The following EML5 variants were observed in gnomAD, a reference collection of about 807,000 sequenced individuals.
EML5 encodes the protein EMAP like 5.
In EML5, 120 loss-of-function variants were observed where a neutral mutation model predicts 250.0. That is an observed-to-expected ratio of 0.48 (90% CI 0.41 to 0.56). EML5 has a LOEUF of 0.56. Ranked by LOEUF, EML5 falls within the 20% of genes least tolerant of loss-of-function variation. The pLI is 0.00. For missense variants in EML5, 2,006 were observed against 2,437.6 expected (o/e 0.82, Z 3.73); for synonymous variants, 771 against 806.5 (o/e 0.96, Z 0.75).
At position 88,625,100 on chromosome 14, in the gene EML5, T is replaced by C. The variant is rs2089716910; in HGVS notation, c.4768A>G (p.Ser1590Gly). ...TCTTTCCACACACAGACATCACCAC[T>C]GATGGTACCTGTAAACGTCAAGTTA... ...ANNLTFTGTI[S>G]GDVCVWKDHI... Residue 1590 changes from serine to glycine, a missense_variant, in exon 36 of 44, where the codon AGT becomes GGT. Physicochemically the swap from Ser to Gly is moderately conservative, Grantham distance 56. This residue lies in a region of EML5 where 405 missense variants were observed against 523.3 expected (regional missense o/e 0.77). Coordinates refer to ENST00000554922, the MANE Select transcript of EML5 (RefSeq NM_183387.3). 1 of 1,613,684 alleles carries C rather than the reference T, an allele frequency of 6.2e-7. No homozygotes were observed. The highest frequency in any genetic ancestry group is 1.7e-5 in the Admixed American group (1 of 59,978).
intron 21 of EML5, among the ~76,000 whole-genome samples, chr14:88,677,770 G>A (rs2092628613): frequency 6.6e-6 from 1 of 152,164 alleles, no homozygotes; most frequent in African/African-American, 2.4e-5. Context: ...CAGTCAGAAT[G>A]GCGATTATTA....
intron 8 of EML5, among the ~76,000 whole-genome samples, chr14:88,721,090 A>T (rs1254314940): frequency 6.6e-6 from 1 of 152,166 alleles, no homozygotes; most frequent in African/African-American, 2.4e-5. Flanking sequence ...CTTTAAGGAG[A>T]ACTACAAACC....
chr14:88,622,522 T>A (rs962419783), intron 37 of EML5, 82 bp downstream of exon 37: 14 of 1,109,944 alleles, frequency 1.3e-5, no homozygotes, highest in Non-Finnish European at 1.8e-5. Flanking sequence ...TATTGTTCAT[T>A]AGGCTGCAAA....
chr14:88,636,487 C>A (rs559162603), intron 32 of EML5, among the ~76,000 whole-genome samples: 2 of 152,068 alleles, frequency 1.3e-5, no homozygotes, highest in Non-Finnish European at 2.9e-5. Context: ...ATGGTGAAAC[C>A]CCGTCTCTAC....
At chr14:88,746,828 C>T (rs2094010624) in intron 2 of EML5, among the ~76,000 whole-genome samples, 1 of 152,256 alleles carries the variant, frequency 6.6e-6, no homozygotes, top group South Asian at 2.1e-4. Context: ...CAACAAATAA[C>T]CCCTTCCTAA....
chr14:88,651,944 T>C (rs372989316), intron 27 of EML5, among the ~76,000 whole-genome samples: 3 of 152,304 alleles, frequency 2.0e-5, no homozygotes, highest in East Asian at 1.9e-4. Context: ...TTAGGGATTA[T>C]AATGTTCATT....
At chr14:88,704,576 C>A (rs1033412757) in intron 13 of EML5, among the ~76,000 whole-genome samples, 5 of 152,182 alleles carry the variant, frequency 3.3e-5, no homozygotes, top group Admixed American at 6.6e-5. Flanking sequence ...ATATATTACA[C>A]ACAATGTAAT....
chr14:88,780,332 A>C (rs1454476830), intron 1 of EML5, among the ~76,000 whole-genome samples: 1 of 152,142 alleles, frequency 6.6e-6, no homozygotes, highest in Non-Finnish European at 1.5e-5. Flanking sequence ...TTGTATAGCA[A>C]ACAGACTTGA....
rs542655090 is a variant in EML5, at chr14:88,629,186, CAT to C, written c.4358-1369_4358-1368del. ...ACAAAATGCACCTCTAGGCAATTCACATGTTATATTTGCCAAATCATGATGAG... is the reference window on the plus strand; with the variant it reads ...ACAAAATGCACCTCTAGGCAATTCACGTTATATTTGCCAAATCATGATGAG... On this transcript the variant is annotated intron_variant, in intron 33 of 43. Transcript: ENST00000554922. Among the ~76,000 whole-genome samples the C allele has an allele frequency of 9.2e-5, 14 of 152,136 alleles. No homozygotes were observed. In the South Asian group the frequency reaches 1.0e-3, roughly 11 times the overall value.
chr14:88,751,580 T>C (rs930269631), intron 2 of EML5, among the ~76,000 whole-genome samples: 1 of 151,190 alleles, frequency 6.6e-6, no homozygotes, highest in African/African-American at 2.4e-5. Flanking sequence ...ATGTAGAAAA[T>C]GGAATATCTA....
intron 33 of EML5, among the ~76,000 whole-genome samples, chr14:88,634,041 T>G (rs1321932410): frequency 6.6e-6 from 1 of 152,234 alleles, no homozygotes; most frequent in Admixed American, 6.5e-5. Flanking sequence ...TTTGGATATA[T>G]GTCCCTGCCC....
rs866534404 is a variant in EML5, at chr14:88,688,361, T to C, written c.2652A>G (p.Thr884=). Residue 884 remains threonine, a synonymous_variant, in exon 18 of 44, where the codon ACA becomes ACG. Coordinates refer to ENST00000554922, the MANE Select transcript of EML5 (RefSeq NM_183387.3). ...TEEMAFSGTS[T]GDVCIWRDIF... ...TGTCTCTCCAGATACACACATCTCC[T>C]GTGGATGTTCCAGAAAAAGCCATCT... The C allele has an allele frequency of 6.2e-7, 1 of 1,614,030 alleles. No individual in the cohort carries two copies. Among genetic ancestry groups the C allele is most frequent in the Non-Finnish European group, 8.5e-7 (1 of 1,179,896 alleles).
chr14:88,675,479 G>C (rs1358633742), intron 21 of EML5, among the ~76,000 whole-genome samples: 1 of 152,206 alleles, frequency 6.6e-6, no homozygotes, highest in Non-Finnish European at 1.5e-5. Flanking sequence ...CTGGAATGCA[G>C]GGTACCAAGT....
At chr14:88,754,346 TA>T (rs2094135110) in intron 2 of EML5, among the ~76,000 whole-genome samples, 165 bp downstream of exon 2, 3 of 152,084 alleles carry the variant, frequency 2.0e-5, no homozygotes, top group Admixed American at 2.0e-4. Context: ...CATGATGAAA[TA>T]AAAACCCCAT....
At chr14:88,681,734 G>A (rs773065950) in intron 21 of EML5, among the ~76,000 whole-genome samples, 156 bp downstream of exon 21, 2 of 152,098 alleles carry the variant, frequency 1.3e-5, no homozygotes, top group Admixed American at 6.5e-5. Context: ...GTACAATTAC[G>A]TTTCTCTATG....
At position 88,687,224 on chromosome 14, in the gene EML5, C is replaced by A; in HGVS notation, c.2846G>T (p.Gly949Val). 6.2e-7 allele frequency: 1 copy of A among 1,605,926 alleles called. No homozygotes were observed. Among genetic ancestry groups the A allele is most frequent in the Non-Finnish European group, 8.5e-7 (1 of 1,176,900 alleles). The change falls in exon 19 of 44, where the codon GGA becomes GTA. Residue 949 changes from glycine to valine, a missense_variant. By Grantham distance (109) the Gly-to-Val change is moderately radical (BLOSUM62 -3). Transcript: ENST00000554922. ...YAIKRAALAP[G>V]SKGLLLEDNP... ...ACTAAGTCTCAAATCACCTTTAGAT[C>A]CTGGGGCCAATGCAGCTCTTTTTAT...
At chr14:88,736,749 C>T (rs945969829) in intron 6 of EML5, among the ~76,000 whole-genome samples, 184 bp from the exon 7 acceptor site, 1 of 152,168 alleles carries the variant, frequency 6.6e-6, no homozygotes, top group East Asian at 1.9e-4. Flanking sequence ...CTGAGAACGT[C>T]TCTTCCCATT....
At chr14:88,662,990 T>A in intron 24 of EML5, 41 bp downstream of exon 24, 1 of 1,454,168 alleles carries the variant, frequency 6.9e-7, no homozygotes, top group Non-Finnish European at 9.3e-7. Flanking sequence ...TAGCCACTTT[T>A]ATTCACATGA....
At chr14:88,647,335 T>C (rs1191109925) in intron 28 of EML5, among the ~76,000 whole-genome samples, 1 of 151,442 alleles carries the variant, frequency 6.6e-6, no homozygotes, top group African/African-American at 2.4e-5. Flanking sequence ...GCCACTGCAC[T>C]GCAGCCTGGG....
Sources: gnomAD v4.1 joint callset for allele counts (sites outside exome capture counted in the v4.1 genomes callset) on GRCh38, gnomAD v4.1.1 for gene constraint, gnomAD v4.1.1 regional missense constraint, MANE v1.5 for transcripts, NCBI Gene and HGNC (gene_info 2026-07-23, HGNC 2026-07-21) for gene names.